CFAP61: variants seen among roughly 807,000 people sequenced by gnomAD.
The protein encoded by CFAP61 is cilia- and flagella-associated protein 61.
A neutral mutation model predicts 135.6 loss-of-function variants in CFAP61; 107 were observed. That is an observed-to-expected ratio of 0.79 (90% confidence interval 0.67 to 0.93). The LOEUF (loss-of-function observed/expected upper bound fraction) is 0.93. Among genes scored for constraint, CFAP61 ranks in the 40% least tolerant of loss-of-function variants. The pLI, the probability that CFAP61 is intolerant of heterozygous loss-of-function variation, is 0.00. For missense variants in CFAP61, 1,507 were observed against 1,556.2 expected, an observed-to-expected ratio of 0.97 and a Z score of 0.53; for synonymous variants, 575 against 578.5, an observed-to-expected ratio of 0.99 and a Z score of 0.09.
chr20:20,224,910 T>C (rs2048629832), intron 17 of CFAP61, among the ~76,000 whole-genome samples: 2 of 152,184 alleles, frequency 1.3e-5, no homozygotes, highest in East Asian at 1.9e-4. Flanking sequence ...AAAATGTGAG[T>C]CAAGAACTAG....
At chr20:20,159,469 G>A (rs370414603) in intron 10 of CFAP61, 25 bp downstream of exon 10, 28 of 1,597,168 alleles carry the variant, frequency 1.8e-5, no homozygotes, top group East Asian at 4.5e-5. Flanking sequence ...GGGCCTTTGC[G>A]TGCCTTCTAG....
At chr20:20,175,101 A>G (rs1569066251) in intron 13 of CFAP61, among the ~76,000 whole-genome samples, 1 of 152,196 alleles carries the variant, frequency 6.6e-6, no homozygotes, top group Non-Finnish European at 1.5e-5. Flanking sequence ...CACCCTTTGT[A>G]TCTGTGAGGA....
At chr20:20,079,011 A>G (rs887695218) in intron 6 of CFAP61, among the ~76,000 whole-genome samples, 1 of 152,232 alleles carries the variant, frequency 6.6e-6, no homozygotes, top group African/African-American at 2.4e-5. Flanking sequence ...TGGGCCAACT[A>G]CTTTAGGAAC....
In CFAP61 at chr20:20,341,580, T is replaced by C. The variant is rs149629807; in HGVS notation, c.3423-251T>C. Among the ~76,000 whole-genome samples the C allele has an allele frequency of 5.3e-5, 8 of 152,328 alleles. No individual in the cohort carries two copies. In the East Asian group the frequency reaches 1.5e-3, roughly 29 times the overall value. The stretch of plus-strand genomic sequence containing the variant: ...TTCAGGCTTTTAAATTCTGATAAAA[T>C]CAGGATTCTTCACTGGGTCTTGCCC... On this transcript the variant is annotated intron_variant, in intron 25 of 26. Transcript: ENST00000245957.
chr20:20,285,975 G>A (rs2147058867), intron 22 of CFAP61, among the ~76,000 whole-genome samples: 1 of 144,340 alleles, frequency 6.9e-6, no homozygotes, highest in South Asian at 2.2e-4. Flanking sequence ...TTGAATACCT[G>A]TATGTGGAAA....
At chr20:20,070,681 G>A (rs1056794730) in intron 2 of CFAP61, among the ~76,000 whole-genome samples, 173 bp from the exon 3 acceptor site, 5 of 152,158 alleles carry the variant, frequency 3.3e-5, no homozygotes, top group African/African-American at 1.2e-4. Flanking sequence ...AGCACCACTT[G>A]TCCTGAACGA....
chr20:20,120,708 G>A (rs1271926572), intron 8 of CFAP61, among the ~76,000 whole-genome samples: 2 of 152,174 alleles, frequency 1.3e-5, no homozygotes, highest in East Asian at 3.9e-4. Flanking sequence ...TAGATAATCT[G>A]TCTACTACTG....
intron 13 of CFAP61, among the ~76,000 whole-genome samples, chr20:20,177,386 A>G (rs1018773952): frequency 6.6e-6 from 1 of 152,038 alleles, no homozygotes; most frequent in Non-Finnish European, 1.5e-5. Context: ...AGGTCTGGAG[A>G]TAGGCAGGGC....
In CFAP61 at chr20:20,166,125, C is replaced by G. The variant is rs138942405; in HGVS notation, c.1206-272C>G. On this transcript the variant is annotated intron_variant, in intron 11 of 26. Coordinates refer to ENST00000245957, the MANE Select transcript of CFAP61 (RefSeq NM_015585.4). Reference sequence around the variant, plus strand: ...CTCTTCCAAAACAGAAGGGAAGGATCGGAGGCACAGAATGACCAATTTTGT... The same window carrying G: ...CTCTTCCAAAACAGAAGGGAAGGATGGGAGGCACAGAATGACCAATTTTGT... Among the ~76,000 whole-genome samples, 311 of 152,288 alleles carry G rather than the reference C, an allele frequency of 2.0e-3. 1 individual carries two copies. The highest frequency in any genetic ancestry group is 6.7e-3 in the African/African-American group (280 of 41,562).
chr20:20,070,600 A>G (rs115531106), intron 2 of CFAP61, among the ~76,000 whole-genome samples: 1,607 of 152,330 alleles, frequency 0.011, 33 homozygotes, highest in African/African-American at 0.037. Context: ...AGGGAAAGAT[A>G]GTAGATACTC....
intron 17 of CFAP61, among the ~76,000 whole-genome samples, chr20:20,224,615 G>T (rs1299445012): frequency 6.6e-6 from 1 of 152,074 alleles, no homozygotes; most frequent in East Asian, 1.9e-4. Flanking sequence ...ACTTGAAACC[G>T]GGAGGCGGAG....
At chr20:20,204,495 A>T (rs938191393) in intron 17 of CFAP61, among the ~76,000 whole-genome samples, 1 of 152,146 alleles carries the variant, frequency 6.6e-6, no homozygotes, top group Non-Finnish European at 1.5e-5. Context: ...TGTTCTTCCC[A>T]GTCCAGCTAT....
intron 26 of CFAP61, among the ~76,000 whole-genome samples, chr20:20,354,229 C>T (rs542434741): frequency 6.6e-5 from 10 of 152,164 alleles, no homozygotes; most frequent in Admixed American, 2.0e-4. Flanking sequence ...CGGGTACAGC[C>T]GGGCATGGTG....
chr20:20,310,626 C>T (rs982160604), intron 25 of CFAP61, among the ~76,000 whole-genome samples: 1 of 152,192 alleles, frequency 6.6e-6, no homozygotes, highest in Non-Finnish European at 1.5e-5. Flanking sequence ...AGGCTTTAGA[C>T]TGCCTTCCAC....
intron 15 of CFAP61, among the ~76,000 whole-genome samples, chr20:20,195,257 G>T (rs2056205418): frequency 6.6e-6 from 1 of 152,180 alleles, no homozygotes. Flanking sequence ...GGATTTGCTG[G>T]TGCCAGCCTT....
chr20:20,166,660 C>G (rs2273123), intron 12 of CFAP61, among the ~76,000 whole-genome samples: 136,954 of 152,262 alleles, frequency 0.9, 62,422 homozygotes, highest in Middle Eastern at 0.99. Context: ...ATTTCTGTTA[C>G]ACATAGCTTT....
intron 6 of CFAP61, among the ~76,000 whole-genome samples, chr20:20,082,817 G>A (rs61100830): frequency 0.12 from 18,789 of 152,072 alleles, 2,060 homozygotes; most frequent in East Asian, 0.63. Context: ...TGCAAGGATG[G>A]CCATAATTTA....
At chr20:20,285,349 T>C (rs984756914) in intron 22 of CFAP61, among the ~76,000 whole-genome samples, 1 of 152,134 alleles carries the variant, frequency 6.6e-6, no homozygotes, top group African/African-American at 2.4e-5. Context: ...TTTATGATTT[T>C]CACTAAATTT....
intron 2 of CFAP61, among the ~76,000 whole-genome samples, chr20:20,059,363 C>T (rs1337827981): frequency 2.3e-5 from 2 of 86,840 alleles, no homozygotes; most frequent in African/African-American, 3.9e-5. Context: ...GGATTAAAGA[C>T]TAAAAAAATC....
Sources: gnomAD v4.1 joint callset for allele counts (sites outside exome capture counted in the v4.1 genomes callset) on GRCh38, gnomAD v4.1.1 for gene constraint, MANE v1.5 for transcripts, NCBI Gene and HGNC (gene_info 2026-07-23, HGNC 2026-07-21) for gene names.